Variants in AGAP5 observed in about 807,000 individuals in gnomAD.
AGAP5 encodes arf-GAP with GTPase, ANK repeat and PH domain-containing protein 5.
A neutral mutation model predicts 27.7 loss-of-function variants in AGAP5; 8 were observed. The ratio of observed to expected loss-of-function variants is 0.29; its 90% CI spans 0.17 to 0.52. The LOEUF is 0.52. AGAP5 is among the 20% of genes least tolerant of loss of function. AGAP5 has a pLI of 0.97. For missense variants in AGAP5, 285 were observed against 880.8 expected, an observed-to-expected ratio of 0.32 and a Z score of 8.56; for synonymous variants, 111 against 338.0, an observed-to-expected ratio of 0.33 and a Z score of 7.37.
intron 2 of AGAP5, among the ~76,000 whole-genome samples, chr10:73,696,167 T>A (rs2082160132): frequency 6.6e-6 from 1 of 152,112 alleles, no homozygotes; most frequent in Admixed American, 6.6e-5. Flanking sequence ...CATGCGCCAC[T>A]ACACCCAGCT....
At chr10:73,680,660 TCACCACAACCTCTG>T (rs2082018201) in intron 5 of AGAP5, among the ~76,000 whole-genome samples, 1 of 145,494 alleles carries the variant, frequency 6.9e-6, no homozygotes, top group Non-Finnish European at 1.5e-5. Flanking sequence ...TGATCTCGGC[TCACCACAACCTCTG>T]CCTCCCGGGT....
chr10:73,692,108 T>C, intron 3 of AGAP5, 31 bp from the exon 4 acceptor site: 2 of 1,512,844 alleles, frequency 1.3e-6, no homozygotes, highest in South Asian at 2.4e-5. Context: ...TGGTCACTTC[T>C]GATACAAATA....
chr10:73,681,409 C>T (rs1295886955), intron 5 of AGAP5: 1 of 985,390 alleles, frequency 1.0e-6, no homozygotes, highest in Non-Finnish European at 1.2e-6. Context: ...TGAAAAAAAC[C>T]TTGCATAAGT....
At chr10:73,689,903 G>T (rs546638022) in intron 4 of AGAP5, among the ~76,000 whole-genome samples, 17 of 152,050 alleles carry the variant, frequency 1.1e-4, no homozygotes, top group African/African-American at 4.1e-4. Context: ...TCCGGGAGGT[G>T]AGGGGCGCCT....
chr10:73,683,437 TATTAATTA>T (rs1294629237), intron 4 of AGAP5, among the ~76,000 whole-genome samples: 3 of 127,522 alleles, frequency 2.4e-5, no homozygotes, highest in African/African-American at 2.8e-5. Flanking sequence ...CAAGAATTTC[TATTAATTA>T]ATTAATTAAT....
intron 2 of AGAP5, among the ~76,000 whole-genome samples, chr10:73,695,934 CTAAT>C (rs1255348917): frequency 6.6e-6 from 1 of 152,186 alleles, no homozygotes; most frequent in African/African-American, 2.4e-5. Context: ...GGCAAACCAA[CTAAT>C]TGTTTTCTCT....
At chr10:73,688,988 G>T (rs569446568) in intron 4 of AGAP5, among the ~76,000 whole-genome samples, 1 of 148,120 alleles carries the variant, frequency 6.8e-6, no homozygotes, top group Non-Finnish European at 1.5e-5. Context: ...TGCCTCTGCC[G>T]CCTCCGCCTC....
At chr10:73,690,233 A>G (rs1462548686) in intron 4 of AGAP5, among the ~76,000 whole-genome samples, 4 of 152,190 alleles carry the variant, frequency 2.6e-5, no homozygotes, top group Non-Finnish European at 1.5e-5. Flanking sequence ...AGAGGTAGAC[A>G]TGGGAGACTT....
intron 4 of AGAP5, among the ~76,000 whole-genome samples, chr10:73,689,161 AT>A (rs1180600689): frequency 1.3e-5 from 2 of 152,084 alleles, no homozygotes; most frequent in African/African-American, 4.8e-5. Flanking sequence ...TGGTGTTCGT[AT>A]TTTTTTGGTG....
Position 73,697,646 on chromosome 10 carries a change from C to G in AGAP5, c.110G>C (p.Gly37Ala), listed in dbSNP as rs766729026. The change falls in exon 1 of 8, where the codon GGG becomes GCG. Residue 37 changes from glycine (G) to alanine (A), a missense_variant. Transcript: ENST00000374094. ...SESEIYEAGA[G>A]DRMAGAPMAA... is the part of the protein sequence containing the mutation. ...CATGGGCGCTCCTGCCATCCTGTCC[C>G]CAGCTCCTGCCTCATAGATCTCAGA... 1 of 1,603,966 alleles carries G rather than the reference C, an allele frequency of 6.2e-7. No homozygotes were observed. The highest frequency in any genetic ancestry group is 8.5e-7 in the Non-Finnish European group (1 of 1,179,860).
intron 4 of AGAP5, among the ~76,000 whole-genome samples, chr10:73,690,129 G>A (rs772889759): frequency 6.6e-6 from 1 of 152,248 alleles, no homozygotes; most frequent in Non-Finnish European, 1.5e-5. Context: ...CATTGAGAAC[G>A]GGCCATGATG....
At chr10:73,696,269 C>T (rs1379552148) in intron 2 of AGAP5, among the ~76,000 whole-genome samples, 3 of 152,234 alleles carry the variant, frequency 2.0e-5, no homozygotes, top group Middle Eastern at 3.4e-3. Flanking sequence ...CTGCCTGCCA[C>T]GGCCTCCCAA....
chr10:73,689,306 T>C (rs1400990480), intron 4 of AGAP5, among the ~76,000 whole-genome samples: 1 of 152,210 alleles, frequency 6.6e-6, no homozygotes, highest in Non-Finnish European at 1.5e-5. Context: ...GTGCCCAGGC[T>C]GGAGTGCAGT....
intron 4 of AGAP5, among the ~76,000 whole-genome samples, chr10:73,689,978 G>A (rs890655063): frequency 1.3e-5 from 2 of 151,736 alleles, no homozygotes; most frequent in African/African-American, 4.8e-5. Context: ...CCGTCTGGGA[G>A]GGAGGTGGGG....
intron 4 of AGAP5, among the ~76,000 whole-genome samples, chr10:73,686,233 G>A (rs1274015028): frequency 6.6e-6 from 1 of 152,178 alleles, no homozygotes; most frequent in East Asian, 1.9e-4. Flanking sequence ...ACAGAATAGA[G>A]AACCTAGAAA....
In AGAP5 at chr10:73,694,866, G is replaced by A. The variant is rs768811234; in HGVS notation, c.293-62C>T. The A allele has an allele frequency of 4.6e-5, 74 of 1,596,712 alleles. 2 individuals carry two copies. The East Asian group carries it at 4.9e-4, about 11-fold the overall frequency. On this transcript the variant is annotated intron_variant, in intron 2 of 7. Coordinates refer to ENST00000374094, the MANE Select transcript of AGAP5 (RefSeq NM_001144000.4). ...ATCATTGATAAAAATTTATCAACTC[G>A]TTTATTCAACTGCTGCATTTAGGCT... is the stretch of plus-strand genomic sequence containing the variant.
At position 73,696,799 on chromosome 10, in the gene AGAP5, A is replaced by G. The variant is rs568555084; in HGVS notation, c.292+296T>C. On this transcript the variant is annotated intron_variant, in intron 2 of 7. Coordinates refer to ENST00000374094, the MANE Select transcript of AGAP5 (RefSeq NM_001144000.4). ...CAAGGTGACTTAAAGCAGCCCATTA[A>G]GAATACCATATAGCCTCTCCCGTGG... 5.0e-4 allele frequency among the ~76,000 whole-genome samples: 76 copies of G among 152,358 alleles called. 1 individual carries two copies. Among genetic ancestry groups the G allele is most frequent in the African/African-American group, 1.4e-3 (58 of 41,582 alleles).
intron 2 of AGAP5, among the ~76,000 whole-genome samples, chr10:73,696,218 A>G (rs2082160716): frequency 6.6e-6 from 1 of 152,078 alleles, no homozygotes; most frequent in African/African-American, 2.4e-5. Context: ...GCGTTTCACC[A>G]TGTTGGCCAG....
At chr10:73,686,776 AT>A (rs2082067689) in intron 4 of AGAP5, among the ~76,000 whole-genome samples, 1 of 152,240 alleles carries the variant, frequency 6.6e-6, no homozygotes. Context: ...ACATATATAT[AT>A]ATGAGGAATA....
Sources: gnomAD v4.1 joint callset for allele counts (sites outside exome capture counted in the v4.1 genomes callset) on GRCh38, gnomAD v4.1.1 for gene constraint, MANE v1.5 for transcripts, NCBI Gene and HGNC (gene_info 2026-07-23, HGNC 2026-07-21) for gene names.